The following GPR137C variants were observed in gnomAD, a reference collection of about 807,000 sequenced individuals.
GPR137C encodes the protein G protein-coupled receptor 137C.
In GPR137C, 27 loss-of-function variants were observed where a neutral mutation model predicts 43.4. The observed-to-expected ratio is 0.62, with a 90% CI of 0.46 to 0.86. The LOEUF (loss-of-function observed/expected upper bound fraction) is 0.86. GPR137C is among the 40% of genes least tolerant of loss of function. The probability of loss-of-function intolerance (pLI) is 0.00; values close to 1 mark genes in which losing one functional copy is unlikely to be tolerated. For missense variants in GPR137C, 522 were observed against 534.6 expected (o/e 0.98, Z 0.23); for synonymous variants, 285 against 226.9 (o/e 1.26, Z -2.30).
chr14:52,631,329 G>T (rs2039291593), intron 3 of GPR137C, among the ~76,000 whole-genome samples: 1 of 152,162 alleles, frequency 6.6e-6, no homozygotes, highest in Non-Finnish European at 1.5e-5. Context: ...TGCCATAATT[G>T]CCCCTTAATC....
intron 3 of GPR137C, among the ~76,000 whole-genome samples, chr14:52,608,079 TTTAA>T (rs2039001271): frequency 6.6e-6 from 1 of 152,188 alleles, no homozygotes; most frequent in South Asian, 2.1e-4. Flanking sequence ...CTCTGTATCT[TTTAA>T]TTAGACAGTT....
chr14:52,595,233 C>T (rs894037574), intron 1 of GPR137C, among the ~76,000 whole-genome samples: 7 of 152,188 alleles, frequency 4.6e-5, no homozygotes, highest in Non-Finnish European at 8.8e-5. Context: ...CGACCTTTCT[C>T]TCTGGCTGCC....
At chr14:52,622,713 C>T (rs1368743562) in intron 3 of GPR137C, among the ~76,000 whole-genome samples, 1 of 152,042 alleles carries the variant, frequency 6.6e-6, no homozygotes, top group African/African-American at 2.4e-5. Flanking sequence ...AAGTCAATCA[C>T]GTAAGTGCTT....
rs527933273 is a variant in GPR137C at position 52,632,538 on chromosome 14, AAAT to A, written c.867+237_867+239del. Among the ~76,000 whole-genome samples the A allele has an allele frequency of 6.6e-3, 1,000 of 152,134 alleles. 6 individuals are homozygous for A. The highest frequency in any genetic ancestry group is 0.011 in the Non-Finnish European group (750 of 67,940). On this transcript the variant is annotated intron_variant, in intron 4 of 6. Transcript: ENST00000321662. ...GAGTATTTTCTCTCTCTTTTTTGGT[AAAT>A]AATAATAGTGCCACAAGCCTCTCGG...
intron 1 of GPR137C, among the ~76,000 whole-genome samples, chr14:52,569,498 G>A (rs1219375170): frequency 1.3e-5 from 2 of 151,944 alleles, no homozygotes; most frequent in Non-Finnish European, 2.9e-5. Flanking sequence ...ACTCCTCCAA[G>A]CTAAAGGAGC....
intron 3 of GPR137C, among the ~76,000 whole-genome samples, chr14:52,603,526 C>A (rs1350515119): frequency 5.3e-5 from 8 of 151,928 alleles, no homozygotes; most frequent in Admixed American, 5.3e-4. Context: ...TTCCATACTG[C>A]TTTTTGGGGT....
intron 1 of GPR137C, among the ~76,000 whole-genome samples, chr14:52,579,914 A>T (rs1566609385): frequency 6.6e-6 from 1 of 152,240 alleles, no homozygotes; most frequent in South Asian, 2.1e-4. Context: ...ACAGGTATTC[A>T]GTATAAACTA....
rs768968194 is a variant in GPR137C, at chr14:52,632,189, G to A, written c.747G>A (p.Val249=). 6 of 1,605,466 alleles carry A rather than the reference G, an allele frequency of 3.7e-6. No homozygotes were observed. Among genetic ancestry groups the A allele is most frequent in the Admixed American group, 1.7e-5 (1 of 59,844 alleles). Residue 249 remains valine, a synonymous_variant, in exon 4 of 7, where the codon GTG becomes GTA. Coordinates refer to ENST00000321662, the MANE Select transcript of GPR137C (RefSeq NM_001099652.2). ...KGMSLCQTVV[V]GSVVILLYSS... ...TGTCTCTGTGCCAGACTGTCGTCGTGGGCTCTGTAGTCATTCTTCTGTACT... is the reference window on the plus strand; with the variant it reads ...TGTCTCTGTGCCAGACTGTCGTCGTAGGCTCTGTAGTCATTCTTCTGTACT...
chr14:52,634,029 A>G (rs770265786), intron 6 of GPR137C, 83 bp downstream of exon 6: 1 of 837,190 alleles, frequency 1.2e-6, no homozygotes, highest in Non-Finnish European at 2.0e-6. Flanking sequence ...CAAAATATGA[A>G]AAAAGGTGAT....
Position 52,635,205 on chromosome 14 carries a change from T to C in GPR137C, c.*90T>C. On this transcript the variant is annotated 3_prime_UTR_variant, in exon 7 of 7. Coordinates refer to ENST00000321662, the MANE Select transcript of GPR137C (RefSeq NM_001099652.2). ...TTCCATCTACATAAACATTCCATTA[T>C]CTGTTGCAACTGAAAACAAAATCTG... 1 of 1,127,484 alleles carries C rather than the reference T, an allele frequency of 8.9e-7. No homozygotes were observed. The highest frequency in any genetic ancestry group is 1.2e-6 in the Non-Finnish European group (1 of 823,422). The allele number at this position is 1,127,484 out of a possible 1,614,324, so 69.8% of individuals were successfully genotyped here. A position where few individuals can be genotyped will look rare whatever the true frequency, so the allele number is the denominator to read the frequency against.
At chr14:52,575,056 C>CAATAT (rs2038530295) in intron 1 of GPR137C, among the ~76,000 whole-genome samples, 1 of 152,064 alleles carries the variant, frequency 6.6e-6, no homozygotes, top group African/African-American at 2.4e-5. Flanking sequence ...GGAATAAATT[C>CAATAT]AATATATTCC....
At chr14:52,619,351 G>A (rs946563909) in intron 3 of GPR137C, among the ~76,000 whole-genome samples, 3 of 151,924 alleles carry the variant, frequency 2.0e-5, no homozygotes, top group Admixed American at 6.6e-5. Flanking sequence ...AATACAGACC[G>A]CATTATCCCC....
At chr14:52,632,095 T>C in intron 3 of GPR137C, 65 bp from the exon 4 acceptor site, 1 of 1,111,416 alleles carries the variant, frequency 9.0e-7, no homozygotes, top group Non-Finnish European at 1.4e-6. Context: ...ATATTGTATG[T>C]ACATGAATAG....
intron 1 of GPR137C, among the ~76,000 whole-genome samples, chr14:52,573,341 A>G (rs1167105927): frequency 2.0e-5 from 3 of 152,260 alleles, no homozygotes; most frequent in African/African-American, 7.2e-5. Context: ...GGCTACAGTA[A>G]CCAAAACAGC....
At chr14:52,571,517 A>G (rs1380686289) in intron 1 of GPR137C, among the ~76,000 whole-genome samples, 2 of 152,128 alleles carry the variant, frequency 1.3e-5, no homozygotes, top group South Asian at 2.1e-4. Flanking sequence ...TACTAAAAAT[A>G]TAAACAATTA....
Position 52,553,418 on chromosome 14 carries a change from C to T in GPR137C, c.271C>T (p.Leu91=). 1 of 1,608,886 alleles carries T rather than the reference C, an allele frequency of 6.2e-7. No homozygotes were observed. Among genetic ancestry groups the T allele is most frequent in the Non-Finnish European group, 8.5e-7 (1 of 1,179,786 alleles). Residue 91 remains leucine (L), a synonymous_variant, in exon 1 of 7, where the codon CTG becomes TTG. Transcript: ENST00000321662. The part of the protein sequence containing the change: ...YQSLCLFLCL[L]WAALRTTLFS... ...GAGCCTCTGCCTCTTCCTCTGTCTC[C>T]TGTGGGCAGCGCTCAGGACCACCCT...
At chr14:52,569,239 A>G (rs1043377513) in intron 1 of GPR137C, among the ~76,000 whole-genome samples, 3 of 152,204 alleles carry the variant, frequency 2.0e-5, no homozygotes, top group Non-Finnish European at 2.9e-5. Flanking sequence ...AAGGAATGGC[A>G]TCAACATCAA....
At chr14:52,628,441 G>C (rs1164079302) in intron 3 of GPR137C, among the ~76,000 whole-genome samples, 3 of 152,026 alleles carry the variant, frequency 2.0e-5, no homozygotes, top group African/African-American at 7.2e-5. Context: ...TTTCTTAGAG[G>C]GGCAATAAAA....
intron 3 of GPR137C, among the ~76,000 whole-genome samples, chr14:52,608,000 C>T (rs1379394361): frequency 6.6e-6 from 1 of 152,026 alleles, no homozygotes; most frequent in South Asian, 2.1e-4. Flanking sequence ...TGTATTGTGT[C>T]TTTACAGGTG....
Sources: gnomAD v4.1 joint callset for allele counts (sites outside exome capture counted in the v4.1 genomes callset) on GRCh38, gnomAD v4.1.1 for gene constraint, MANE v1.5 for transcripts, NCBI Gene and HGNC (gene_info 2026-07-23, HGNC 2026-07-21) for gene names.